The following NRG2 variants were observed in gnomAD, a reference collection of about 807,000 sequenced individuals.
NRG2 encodes pro-neuregulin-2, membrane-bound isoform.
NRG2 carries 27 observed loss-of-function variants against 73.9 expected under a neutral mutation model. The observed-to-expected ratio is 0.37, with a 90% CI of 0.27 to 0.50. The LOEUF (loss-of-function observed/expected upper bound fraction) is 0.50. NRG2 is among the 20% of genes least tolerant of loss of function. NRG2 has a pLI of 0.96. For synonymous variants in NRG2, 532 were observed against 541.0 expected, an observed-to-expected ratio of 0.98 and a Z score of 0.23; for missense variants, 1,126 against 1,210.1, an observed-to-expected ratio of 0.93 and a Z score of 1.03.
At chr5:139,942,041 T>C (rs1753438626) in intron 1 of NRG2, among the ~76,000 whole-genome samples, 1 of 152,212 alleles carries the variant, frequency 6.6e-6, no homozygotes, top group Non-Finnish European at 1.5e-5. Context: ...AATCATTTAG[T>C]ATTTGATAAC....
At chr5:139,925,161 G>A (rs897308557) in intron 1 of NRG2, among the ~76,000 whole-genome samples, 4 of 152,084 alleles carry the variant, frequency 2.6e-5, no homozygotes, top group African/African-American at 7.2e-5. Context: ...TCTATTGTAT[G>A]GTTTCCTTTT....
Position 139,848,457 on chromosome 5 carries a change from C to T in NRG2, c.2013G>A (p.Gln671=). The change falls in exon 10 of 10, where the codon CAG becomes CAA. Residue 671 remains glutamine, a synonymous_variant. Transcript: ENST00000361474. ...GPGPGPGADM[Q]RSYDSYYYPA... ...GGTAATAGTAGCTGTCATAGCTGCG[C>T]TGCATGTCTGCGCCGGGCCCGGGCC... 1 of 1,337,152 alleles carries T rather than the reference C, an allele frequency of 7.5e-7. No individual in the cohort carries two copies. Among genetic ancestry groups the T allele is most frequent in the African/African-American group, 1.6e-5 (1 of 62,852 alleles). 82.8% of individuals were successfully genotyped at this position (1,337,152 alleles called of 1,614,324 possible).
At chr5:139,934,749 G>A (rs1006468654) in intron 1 of NRG2, among the ~76,000 whole-genome samples, 7 of 152,182 alleles carry the variant, frequency 4.6e-5, no homozygotes, top group Non-Finnish European at 7.3e-5. Flanking sequence ...AGATGTCAAC[G>A]CTAGCCAAAA....
intron 1 of NRG2, among the ~76,000 whole-genome samples, chr5:139,953,333 G>A (rs1181523457): frequency 2.0e-4 from 30 of 152,182 alleles, no homozygotes; most frequent in Admixed American, 2.0e-3. Context: ...GCAAGAGCTG[G>A]AAGAAACAGG....
At chr5:139,965,889 T>A (rs1412165175) in intron 1 of NRG2, among the ~76,000 whole-genome samples, 4 of 152,048 alleles carry the variant, frequency 2.6e-5, no homozygotes, top group Non-Finnish European at 4.4e-5. Flanking sequence ...GGAGAGGGGA[T>A]TGTGGGCAAG....
chr5:139,920,684 G>T (rs1047003319), intron 1 of NRG2, among the ~76,000 whole-genome samples: 1 of 152,144 alleles, frequency 6.6e-6, no homozygotes, highest in Non-Finnish European at 1.5e-5. Context: ...AGACCTCAAA[G>T]ATTAATCAGG....
intron 1 of NRG2, among the ~76,000 whole-genome samples, chr5:139,901,770 C>G (rs1029937209): frequency 2.6e-5 from 4 of 152,218 alleles, no homozygotes; most frequent in African/African-American, 9.7e-5. Flanking sequence ...GGACCTCCAG[C>G]AGAGGAGACT....
chr5:139,903,880 C>G (rs1248638574), intron 1 of NRG2, among the ~76,000 whole-genome samples: 1 of 152,194 alleles, frequency 6.6e-6, no homozygotes, highest in African/African-American at 2.4e-5. Flanking sequence ...GGGGCAAGCC[C>G]GAGGGCTCCG....
intron 1 of NRG2, among the ~76,000 whole-genome samples, chr5:139,929,597 T>C (rs1752308988): frequency 6.6e-6 from 1 of 152,196 alleles, no homozygotes; most frequent in Admixed American, 6.5e-5. Context: ...GTCACAGTTG[T>C]ACAGAAATAC....
At chr5:139,880,665 A>G (rs554171244) in intron 3 of NRG2, among the ~76,000 whole-genome samples, 191 bp downstream of exon 3, 7 of 152,308 alleles carry the variant, frequency 4.6e-5, no homozygotes, top group African/African-American at 1.7e-4. Flanking sequence ...GGCCCAGATA[A>G]CAAAGCTAAA....
At chr5:139,993,087 A>G (rs1757757849) in intron 1 of NRG2, among the ~76,000 whole-genome samples, 1 of 151,860 alleles carries the variant, frequency 6.6e-6, no homozygotes, top group Non-Finnish European at 1.5e-5. Context: ...TTCTTTGAAT[A>G]TAATGTGATG....
At chr5:139,982,619 G>A (rs1756892803) in intron 1 of NRG2, among the ~76,000 whole-genome samples, 1 of 152,240 alleles carries the variant, frequency 6.6e-6, no homozygotes, top group Non-Finnish European at 1.5e-5. Context: ...TAGACAGCGA[G>A]TTTCCGGTTC....
intron 1 of NRG2, among the ~76,000 whole-genome samples, chr5:140,028,957 A>G (rs1301225315): frequency 6.6e-6 from 1 of 152,158 alleles, no homozygotes; most frequent in Non-Finnish European, 1.5e-5. Context: ...TGGTCCTCAG[A>G]CCCGGCTACA....
chr5:139,989,913 C>T (rs395511), intron 1 of NRG2, among the ~76,000 whole-genome samples: 3 of 151,302 alleles, frequency 2.0e-5, no homozygotes, highest in Non-Finnish European at 4.4e-5. Context: ...CTCAGCCTCC[C>T]GAGTAGCTGG....
At chr5:139,942,137 G>C (rs1160980939) in intron 1 of NRG2, among the ~76,000 whole-genome samples, 3 of 152,152 alleles carry the variant, frequency 2.0e-5, no homozygotes, top group Non-Finnish European at 2.9e-5. Flanking sequence ...TTTTACTACT[G>C]TTAAATCATC....
chr5:139,910,827 C>T (rs186724250), intron 1 of NRG2, among the ~76,000 whole-genome samples: 154 of 152,266 alleles, frequency 1.0e-3, no homozygotes, highest in African/African-American at 3.5e-3. Context: ...CTTGCTTCAG[C>T]CCACCCAATC....
intron 1 of NRG2, among the ~76,000 whole-genome samples, chr5:139,996,469 A>T (rs1397863471): frequency 6.6e-6 from 1 of 152,220 alleles, no homozygotes; most frequent in Admixed American, 6.5e-5. Context: ...TGTCCCCAGG[A>T]TCCTTAAATT....
intron 1 of NRG2, among the ~76,000 whole-genome samples, chr5:139,905,651 C>T (rs1162632693): frequency 2.7e-5 from 4 of 146,028 alleles, no homozygotes; most frequent in African/African-American, 5.2e-5. Flanking sequence ...GATCTTGGGG[C>T]GCAAGTCTGT....
chr5:139,958,475 GTTAT>G (rs946037567), intron 1 of NRG2, among the ~76,000 whole-genome samples: 39 of 152,302 alleles, frequency 2.6e-4, no homozygotes, highest in Admixed American at 1.3e-4. Context: ...TTGTTTGGGA[GTTAT>G]TTGAGCTGAA....
Sources: gnomAD v4.1 joint callset for allele counts (sites outside exome capture counted in the v4.1 genomes callset) on GRCh38, gnomAD v4.1.1 for gene constraint, MANE v1.5 for transcripts, NCBI Gene and HGNC (gene_info 2026-07-23, HGNC 2026-07-21) for gene names.